HYCC1: variants seen among roughly 807,000 people sequenced by gnomAD.
HYCC1 encodes the protein hyccin PI4KA lipid kinase complex subunit 1.
the HYCC1 span, chr7:22,938,884 C>G: frequency 3.4e-4 from 51 of 152,104 alleles, no homozygotes; most frequent in African/African-American, 1.2e-3. Context: ...CAGGAATCCC[C>G]ATTTAAAAAA....
the HYCC1 span, among the ~76,000 whole-genome samples, chr7:22,975,187 G>T: frequency 7.0e-6 from 1 of 141,998 alleles, no homozygotes; most frequent in African/African-American, 2.6e-5. Flanking sequence ...TTATCGAGGG[G>T]AATAATCTGT....
chr7:22,971,808 G>A, the HYCC1 span, among the ~76,000 whole-genome samples: 1 of 152,220 alleles, frequency 6.6e-6, no homozygotes, highest in East Asian at 1.9e-4. Flanking sequence ...TTTCTGTCCT[G>A]CTTGTTCTGC....
the HYCC1 span, among the ~76,000 whole-genome samples, chr7:22,904,154 G>A: frequency 2.0e-5 from 3 of 151,950 alleles, no homozygotes; most frequent in African/African-American, 2.4e-5. Flanking sequence ...TTTTAGGGCC[G>A]GGCATGGTGG....
the HYCC1 span, chr7:22,937,981 A>G: frequency 6.6e-6 from 1 of 152,198 alleles, no homozygotes; most frequent in African/African-American, 2.4e-5. Flanking sequence ...TATACATAAT[A>G]TTGACTTATA....
At chr7:23,005,389 G>C in the HYCC1 span, among the ~76,000 whole-genome samples, 5 of 152,126 alleles carry the variant, frequency 3.3e-5, no homozygotes, top group Admixed American at 3.3e-4. Flanking sequence ...GGTACTCAAT[G>C]AATGATACCT....
the HYCC1 span, among the ~76,000 whole-genome samples, chr7:22,926,005 A>C: frequency 6.6e-6 from 1 of 152,230 alleles, no homozygotes; most frequent in African/African-American, 2.4e-5. Flanking sequence ...TCTACAAGCC[A>C]CAAAAGAGTG....
the HYCC1 span, chr7:22,985,531 A>G: frequency 2.0e-5 from 3 of 152,176 alleles, no homozygotes; most frequent in African/African-American, 7.2e-5. Flanking sequence ...TAAGTTTAAT[A>G]AGAGAGTTTT....
the HYCC1 span, among the ~76,000 whole-genome samples, chr7:22,950,762 C>T: frequency 6.6e-6 from 1 of 151,688 alleles, no homozygotes; most frequent in Non-Finnish European, 1.5e-5. Flanking sequence ...AAGAGTAGAA[C>T]TTAATCCTTT....
chr7:22,993,370 A>C, the HYCC1 span, among the ~76,000 whole-genome samples: 1 of 152,174 alleles, frequency 6.6e-6, no homozygotes, highest in Admixed American at 6.5e-5. Context: ...CAAAAGCACT[A>C]ATCACAAGGA....
the HYCC1 span, among the ~76,000 whole-genome samples, chr7:22,914,414 C>T: frequency 6.6e-6 from 1 of 152,334 alleles, no homozygotes; most frequent in Non-Finnish European, 1.5e-5. Flanking sequence ...TCTCCCTTAG[C>T]CTGTGTTCTC....
chr7:22,906,838 T>C, the HYCC1 span, among the ~76,000 whole-genome samples: 2,557 of 152,102 alleles, frequency 0.017, 74 homozygotes, highest in African/African-American at 0.058. Context: ...GTTTCTTTAA[T>C]ACATGTACAA....
the HYCC1 span, among the ~76,000 whole-genome samples, chr7:22,914,273 C>T: frequency 3.3e-5 from 5 of 152,314 alleles, no homozygotes; most frequent in Middle Eastern, 3.4e-3. Context: ...CGGGGACGCC[C>T]GCTTTGGCTG....
At chr7:22,979,853 G>C in the HYCC1 span, among the ~76,000 whole-genome samples, 2 of 152,108 alleles carry the variant, frequency 1.3e-5, no homozygotes, top group East Asian at 3.8e-4. Flanking sequence ...CAGATTCAAA[G>C]GGGAGGTAGA....
At chr7:22,943,275 T>C in the HYCC1 span, 2 of 152,202 alleles carry the variant, frequency 1.3e-5, no homozygotes, top group African/African-American at 2.4e-5. Flanking sequence ...ATCTAGTGTC[T>C]GACACATTTG....
chr7:22,978,455 G>A, the HYCC1 span: 4 of 1,611,756 alleles, frequency 2.5e-6, no homozygotes, highest in Non-Finnish European at 3.4e-6. Context: ...GCAACTAGAA[G>A]AAAGACAAAA....
chr7:22,924,573 C>G, the HYCC1 span, among the ~76,000 whole-genome samples: 1 of 152,224 alleles, frequency 6.6e-6, no homozygotes, highest in African/African-American at 2.4e-5. Context: ...ACCCATAGAG[C>G]CTTGCTCATT....
chr7:22,958,846 A>G, the HYCC1 span, among the ~76,000 whole-genome samples: 1 of 152,150 alleles, frequency 6.6e-6, no homozygotes, highest in African/African-American at 2.4e-5. Flanking sequence ...CTACCTAAAT[A>G]GCAAGAAGGA....
the HYCC1 span, among the ~76,000 whole-genome samples, chr7:22,980,342 T>C: frequency 6.6e-6 from 1 of 152,014 alleles, no homozygotes; most frequent in East Asian, 1.9e-4. Context: ...TAAGAGAGAC[T>C]GTACCTCAAG....
the HYCC1 span, among the ~76,000 whole-genome samples, chr7:22,952,485 G>A: frequency 2.0e-5 from 3 of 151,948 alleles, no homozygotes; most frequent in Non-Finnish European, 4.4e-5. Context: ...TTAGAATGAA[G>A]GAGTCTAATG....
Sources: allele counts gnomAD v4.1 joint callset (sites outside exome capture counted in the v4.1 genomes callset), GRCh38; gene constraint gnomAD v4.1.1; transcripts MANE v1.5; gene names NCBI Gene and HGNC (gene_info 2026-07-23, HGNC 2026-07-21).